Variants in ACTN2 observed in about 807,000 individuals in gnomAD.
The protein encoded by ACTN2 is alpha-actinin-2.
ACTN2 carries 39 observed loss-of-function variants against 113.8 expected under a neutral mutation model. That is an observed-to-expected ratio of 0.34 (90% CI 0.27 to 0.45). The LOEUF (loss-of-function observed/expected upper bound fraction) is 0.45. ACTN2 is among the 20% of genes least tolerant of loss of function. ACTN2 has a pLI of 1.00. For missense variants in ACTN2, 992 were observed against 1,177.9 expected (o/e 0.84, Z 2.31); for synonymous variants, 429 against 444.1 (o/e 0.97, Z 0.43).
At chr1:236,686,902 T>G in intron 1 of ACTN2, 103 bp downstream of exon 1, 1 of 1,239,154 alleles carries the variant, frequency 8.1e-7, no homozygotes, top group South Asian at 2.6e-5. Context: ...AGAGGGCGCT[T>G]TGTGGAGGTG....
intron 10 of ACTN2, among the ~76,000 whole-genome samples, chr1:236,739,798 C>T (rs1476490240): frequency 3.3e-5 from 5 of 152,190 alleles, no homozygotes; most frequent in African/African-American, 9.7e-5. Context: ...TCTCTCGTCC[C>T]TCCTCATGGC....
intron 20 of ACTN2, 136 bp from the exon 21 acceptor site, chr1:236,762,325 C>A: frequency 8.4e-7 from 1 of 1,188,614 alleles, no homozygotes; most frequent in Non-Finnish European, 1.2e-6. Flanking sequence ...TTGTCTGGTA[C>A]TACTATGCCA....
Position 236,761,054 on chromosome 1 carries a change from C to A in ACTN2, c.2407C>A (p.Pro803Thr). 6.2e-7 allele frequency: 1 copy of A among 1,614,176 alleles called. No individual in the cohort carries two copies. Among genetic ancestry groups the A allele is most frequent in the Non-Finnish European group, 8.5e-7 (1 of 1,180,026 alleles). ...EFARIMTLVD[P>T]NGQGTVTFQS... Reference sequence around the variant, plus strand: ...TGCCCGCATTATGACCCTGGTAGATCCCAACGGGCAAGGCACCGTCACCTT... The same window carrying A: ...TGCCCGCATTATGACCCTGGTAGATACCAACGGGCAAGGCACCGTCACCTT... Residue 803 changes from proline to threonine, a missense_variant, in exon 20 of 21, where the codon CCC (proline) becomes ACC (threonine). Coordinates refer to ENST00000366578, the MANE Select transcript of ACTN2 (RefSeq NM_001103.4).
intron 15 of ACTN2, 76 bp from the exon 16 acceptor site, chr1:236,753,871 C>CAAAAACCCCAAAAAGTTGT: frequency 9.4e-7 from 1 of 1,062,648 alleles, no homozygotes; most frequent in Non-Finnish European, 1.4e-6. Context: ...ACCCCTTGGA[C>CAAAAACCCCAAAAAGTTGT]TATTCCCGCA....
At chr1:236,726,111 C>T in intron 5 of ACTN2, 91 bp downstream of exon 5, 1 of 1,183,528 alleles carries the variant, frequency 8.4e-7, no homozygotes, top group East Asian at 2.3e-5. Context: ...TGTTTTCCTC[C>T]TGTCTGAGAA....
chr1:236,731,091 A>T, intron 6 of ACTN2, 142 bp from the exon 7 acceptor site: 3 of 636,038 alleles, frequency 4.7e-6, no homozygotes, highest in Non-Finnish European at 8.4e-6. Flanking sequence ...GATTGGGAAA[A>T]GATGAAAAGG....
chr1:236,719,563 T>C (rs1182522116), intron 3 of ACTN2, among the ~76,000 whole-genome samples: 1 of 151,934 alleles, frequency 6.6e-6, no homozygotes, highest in South Asian at 2.1e-4. Flanking sequence ...CTGAGGCGGG[T>C]AGATCACCTG....
At chr1:236,716,360 G>T (rs1266484425) in intron 1 of ACTN2, among the ~76,000 whole-genome samples, 1 of 152,124 alleles carries the variant, frequency 6.6e-6, no homozygotes, top group Admixed American at 6.5e-5. Context: ...AGCAGCTGTT[G>T]TGGGATGAGG....
intron 4 of ACTN2, among the ~76,000 whole-genome samples, chr1:236,722,031 A>C (rs1277736299): frequency 6.6e-6 from 1 of 152,206 alleles, no homozygotes; most frequent in Non-Finnish European, 1.5e-5. Context: ...TCACAAGACT[A>C]AGAAATTAAA....
At chr1:236,699,127 T>C (rs1200672855) in intron 1 of ACTN2, among the ~76,000 whole-genome samples, 2 of 152,218 alleles carry the variant, frequency 1.3e-5, no homozygotes, top group African/African-American at 4.8e-5. Flanking sequence ...TGTAAGGGTC[T>C]TGATTTTTAT....
chr1:236,729,678 T>A (rs1658660793), intron 6 of ACTN2, among the ~76,000 whole-genome samples: 1 of 152,236 alleles, frequency 6.6e-6, no homozygotes, highest in Non-Finnish European at 1.5e-5. Context: ...AGGTAGCCCA[T>A]GAAAACGGAA....
At chr1:236,709,998 T>C (rs1383714989) in intron 1 of ACTN2, among the ~76,000 whole-genome samples, 1 of 152,198 alleles carries the variant, frequency 6.6e-6, no homozygotes, top group East Asian at 1.9e-4. Flanking sequence ...GTTGAACAGA[T>C]AGTTTTACAG....
At chr1:236,728,391 C>T (rs1358005453) in intron 6 of ACTN2, among the ~76,000 whole-genome samples, 1 of 152,200 alleles carries the variant, frequency 6.6e-6, no homozygotes, top group Admixed American at 6.5e-5. Context: ...GATCCGCCCG[C>T]CTCAGCCTCC....
At chr1:236,734,353 C>T in intron 7 of ACTN2, 1 of 1,006,988 alleles carries the variant, frequency 9.9e-7, no homozygotes, top group Non-Finnish European at 1.4e-6. Flanking sequence ...TTCCTGATTC[C>T]AACACCTCTG....
chr1:236,686,732 T>A lies in ACTN2; in HGVS notation c.59T>A (p.Met20Lys). The change falls in exon 1 of 21, where the codon ATG becomes AAG. Residue 20 changes from methionine to lysine, a missense_variant. Met to Lys is a moderately conservative substitution (Grantham distance 95, BLOSUM62 -1). Coordinates refer to ENST00000366578, the MANE Select transcript of ACTN2 (RefSeq NM_001103.4). ...TACGTGTACGACGAGGATGAGTACA[T>A]GATCCAGGAGGAGGAGTGGGACCGC... is the stretch of plus-strand genomic sequence containing the variant. ...YNYVYDEDEY[M>K]IQEEEWDRDL... The A allele has an allele frequency of 6.4e-7, 1 of 1,562,590 alleles. No homozygotes were observed. Among genetic ancestry groups the A allele is most frequent in the Non-Finnish European group, 8.7e-7 (1 of 1,154,258 alleles).
intron 6 of ACTN2, among the ~76,000 whole-genome samples, chr1:236,728,472 T>G (rs1658624497): frequency 6.6e-6 from 1 of 152,238 alleles, no homozygotes; most frequent in African/African-American, 2.4e-5. Flanking sequence ...TCAAGTTCCC[T>G]TGACTTTTTC....
intron 1 of ACTN2, among the ~76,000 whole-genome samples, chr1:236,702,535 T>A (rs1306565715): frequency 6.6e-6 from 1 of 152,218 alleles, no homozygotes; most frequent in South Asian, 2.1e-4. Flanking sequence ...TCTAGAAGCA[T>A]CTATTTATGT....
chr1:236,717,901 C>T lies in ACTN2; in HGVS notation c.170C>T (p.Thr57Ile), dbSNP rs1184086655. 1 of 1,614,080 alleles carries T rather than the reference C, an allele frequency of 6.2e-7. No individual in the cohort carries two copies. The highest frequency in any genetic ancestry group is 8.5e-7 in the Non-Finnish European group (1 of 1,180,000). Residue 57 changes from threonine to isoleucine, a missense_variant, in exon 2 of 21, where the codon ACC becomes ATC. Thr to Ile is a moderately conservative substitution (Grantham distance 89, BLOSUM62 -1). Coordinates refer to ENST00000366578, the MANE Select transcript of ACTN2 (RefSeq NM_001103.4). ...WCNSHLRKAG[T>I]QIENIEEDFR... Reference sequence around the variant, plus strand: ...AACTCCCACCTAAGGAAAGCCGGCACCCAGATTGAGAACATCGAGGAAGAC... The same window carrying T: ...AACTCCCACCTAAGGAAAGCCGGCATCCAGATTGAGAACATCGAGGAAGAC...
chr1:236,695,460 G>T (rs12562446), intron 1 of ACTN2, among the ~76,000 whole-genome samples: 2 of 139,336 alleles, frequency 1.4e-5, no homozygotes, highest in African/African-American at 5.3e-5. Flanking sequence ...AGAGCTTTTA[G>T]AATTGAAAAA....
Sources: gnomAD v4.1 joint callset for allele counts (sites outside exome capture counted in the v4.1 genomes callset) on GRCh38, gnomAD v4.1.1 for gene constraint, MANE v1.5 for transcripts, NCBI Gene and HGNC (gene_info 2026-07-23, HGNC 2026-07-21) for gene names.